MICU1: variants seen among roughly 807,000 people sequenced by gnomAD.
MICU1 encodes calcium uptake protein 1, mitochondrial.
MICU1 carries 45 observed loss-of-function variants against 56.8 expected under a neutral mutation model. The ratio of observed to expected loss-of-function variants is 0.79; its 90% confidence interval spans 0.62 to 1.02. The LOEUF is 1.02. Ranked by LOEUF, MICU1 falls within the 50% of genes least tolerant of loss-of-function variation. The pLI, the probability that MICU1 is intolerant of heterozygous loss-of-function variation, is 0.00. For missense variants in MICU1, 504 were observed against 587.1 expected, an observed-to-expected ratio of 0.86 and a Z score of 1.46; for synonymous variants, 186 against 195.1, an observed-to-expected ratio of 0.95 and a Z score of 0.39.
intron 1 of MICU1, among the ~76,000 whole-genome samples, chr10:72,607,815 A>G (rs1380356241): frequency 6.6e-6 from 1 of 152,018 alleles, no homozygotes; most frequent in African/African-American, 2.4e-5. Flanking sequence ...TTAGCATCTA[A>G]GGGGGAACAG....
intron 9 of MICU1, among the ~76,000 whole-genome samples, chr10:72,418,328 T>C (rs981197949): frequency 6.6e-6 from 1 of 152,158 alleles, no homozygotes; most frequent in African/African-American, 2.4e-5. Flanking sequence ...CTGATTTAAT[T>C]GATTTGAAGA....
intron 8 of MICU1, among the ~76,000 whole-genome samples, chr10:72,465,995 A>G (rs763368375): frequency 1.3e-5 from 2 of 152,090 alleles, no homozygotes; most frequent in Non-Finnish European, 2.9e-5. Context: ...TAGCAACCTC[A>G]CCATACAATT....
intron 8 of MICU1, among the ~76,000 whole-genome samples, chr10:72,459,776 T>C (rs1865589820): frequency 6.6e-6 from 1 of 152,226 alleles, no homozygotes; most frequent in African/African-American, 2.4e-5. Flanking sequence ...CAATTGCCTG[T>C]AGAGAAAGCT....
At chr10:72,463,069 C>G (rs1001442620) in intron 8 of MICU1, among the ~76,000 whole-genome samples, 6 of 145,466 alleles carry the variant, frequency 4.1e-5, no homozygotes, top group African/African-American at 1.2e-4. Context: ...GTCTTCTGCA[C>G]TTTTTTTTTT....
chr10:72,575,487 T>C (rs975398386), intron 1 of MICU1, among the ~76,000 whole-genome samples: 2 of 152,194 alleles, frequency 1.3e-5, no homozygotes, highest in Admixed American at 6.5e-5. Flanking sequence ...TTCATGGAGA[T>C]TGCATTTTTC....
intron 2 of MICU1, 113 bp downstream of exon 2, chr10:72,566,520 C>T (rs1431217593): frequency 9.1e-6 from 10 of 1,100,536 alleles, no homozygotes; most frequent in South Asian, 3.4e-5. Context: ...CCAAATGATC[C>T]GAGCAAGAAA....
chr10:72,433,753 A>G (rs1864621109), intron 8 of MICU1, among the ~76,000 whole-genome samples: 1 of 152,228 alleles, frequency 6.6e-6, no homozygotes, highest in African/African-American at 2.4e-5. Flanking sequence ...ATTGGCTTAT[A>G]TTCTTGGGAA....
At chr10:72,463,910 C>A (rs1487740736) in intron 8 of MICU1, among the ~76,000 whole-genome samples, 1 of 152,088 alleles carries the variant, frequency 6.6e-6, no homozygotes, top group Non-Finnish European at 1.5e-5. Context: ...TTTTTAAAAT[C>A]TTTTATACCA....
intron 1 of MICU1, among the ~76,000 whole-genome samples, chr10:72,591,614 G>A (rs1589372639): frequency 2.0e-5 from 3 of 152,184 alleles, no homozygotes; most frequent in Admixed American, 2.0e-4. Context: ...CCAACAAATT[G>A]GGAAACCTAG....
chr10:72,379,666 T>C, intron 10 of MICU1: 2 of 330,062 alleles, frequency 6.1e-6, no homozygotes, highest in Non-Finnish European at 1.2e-5. Flanking sequence ...CTCATTAAAT[T>C]GGTATTAAGT....
intron 9 of MICU1, among the ~76,000 whole-genome samples, chr10:72,411,973 A>G (rs1863829726): frequency 6.6e-6 from 1 of 152,212 alleles, no homozygotes; most frequent in Non-Finnish European, 1.5e-5. Flanking sequence ...CTTTTATCAC[A>G]AAGATATAAT....
chr10:72,610,486 C>T (rs1052682202), intron 1 of MICU1, among the ~76,000 whole-genome samples: 10 of 152,068 alleles, frequency 6.6e-5, no homozygotes, highest in African/African-American at 2.2e-4. Flanking sequence ...TTAACAAAAA[C>T]GAACAAGAGA....
At chr10:72,400,752 T>C (rs71479443) in intron 10 of MICU1, among the ~76,000 whole-genome samples, 7 of 151,750 alleles carry the variant, frequency 4.6e-5, no homozygotes, top group Admixed American at 1.3e-4. Context: ...ATCTAAAAAA[T>C]AAATAAATAA....
intron 1 of MICU1, among the ~76,000 whole-genome samples, chr10:72,620,119 T>C (rs56749645): frequency 6.6e-6 from 1 of 152,078 alleles, no homozygotes; most frequent in East Asian, 1.9e-4. Flanking sequence ...AAATTATAAA[T>C]TTTTGCTTAT....
chr10:72,460,856 C>T (rs1865618622), intron 8 of MICU1, among the ~76,000 whole-genome samples: 1 of 152,176 alleles, frequency 6.6e-6, no homozygotes, highest in South Asian at 2.1e-4. Context: ...AAAAAGCAAG[C>T]TTCTTTCCAC....
intron 6 of MICU1, among the ~76,000 whole-genome samples, chr10:72,482,322 G>T (rs549956347): frequency 8.4e-4 from 128 of 152,212 alleles, no homozygotes; most frequent in African/African-American, 2.8e-3. Context: ...TTCTAAACAA[G>T]TTTCTTATTT....
chr10:72,524,877 C>T (rs756626090), intron 5 of MICU1: 2 of 511,458 alleles, frequency 3.9e-6, no homozygotes, highest in Non-Finnish European at 3.0e-6. Context: ...TCACTGAACA[C>T]CTGGAAGTAG....
At chr10:72,540,281 AAAAAAG>A (rs1226155717) in intron 4 of MICU1, among the ~76,000 whole-genome samples, 3 of 151,876 alleles carry the variant, frequency 2.0e-5, no homozygotes, top group Non-Finnish European at 4.4e-5. Flanking sequence ...AAAAAAAAAA[AAAAAAG>A]AAAAGAGAAA....
At chr10:72,372,131 G>A (rs925421418) in intron 11 of MICU1, among the ~76,000 whole-genome samples, 4 of 151,968 alleles carry the variant, frequency 2.6e-5, no homozygotes, top group East Asian at 3.9e-4. Context: ...CAACTCAGGA[G>A]GTCAAAGCAA....
Sources: gnomAD v4.1 joint callset for allele counts (sites outside exome capture counted in the v4.1 genomes callset) on GRCh38, gnomAD v4.1.1 for gene constraint, MANE v1.5 for transcripts, NCBI Gene and HGNC (gene_info 2026-07-23, HGNC 2026-07-21) for gene names.